CTBP2: variants seen among roughly 807,000 people sequenced by gnomAD.
The protein encoded by CTBP2 is C-terminal binding protein 2.
In CTBP2, 30 loss-of-function variants were observed where a neutral mutation model predicts 80.3. That is an observed-to-expected ratio of 0.37 (90% CI 0.28 to 0.51). The LOEUF (loss-of-function observed/expected upper bound fraction) is 0.51, where lower values mean the gene tolerates loss of function less well. Ranked by LOEUF, CTBP2 falls within the 20% of genes least tolerant of loss-of-function variation. The pLI is 0.93. For missense variants in CTBP2, 1,212 were observed against 1,375.3 expected, an observed-to-expected ratio of 0.88 and a Z score of 1.88; for synonymous variants, 594 against 587.4, an observed-to-expected ratio of 1.01 and a Z score of -0.16.
At chr10:125,123,861 C>A (rs1393428484) in intron 1 of CTBP2, among the ~76,000 whole-genome samples, 1 of 152,206 alleles carries the variant, frequency 6.6e-6, no homozygotes, top group East Asian at 1.9e-4. Context: ...CCTCCCAGGG[C>A]CACACCCAAC....
intron 3 of CTBP2, among the ~76,000 whole-genome samples, chr10:125,036,618 T>C (rs752312189): frequency 2.0e-5 from 3 of 151,928 alleles, no homozygotes; most frequent in Non-Finnish European, 4.4e-5. Context: ...CAGAACATTC[T>C]ACAAGTAGTT....
chr10:125,012,092 C>T (rs1412204806), intron 1 of CTBP2, among the ~76,000 whole-genome samples: 2 of 152,192 alleles, frequency 1.3e-5, no homozygotes, highest in African/African-American at 2.4e-5. Context: ...CCAAAAACGG[C>T]GCCTTAGAAG....
upstream of CTBP2, chr10:125,161,201 C>G (rs1368930439): frequency 6.6e-6 from 1 of 152,046 alleles, no homozygotes; most frequent in African/African-American, 2.4e-5. Flanking sequence ...CGCGAAAGTG[C>G]ACACAAGCGC....
intron 1 of CTBP2, among the ~76,000 whole-genome samples, chr10:125,139,929 G>A (rs931761292): frequency 5.3e-5 from 8 of 152,040 alleles, no homozygotes; most frequent in South Asian, 2.1e-4. Flanking sequence ...CTCACCATCC[G>A]AAAGCAGACC....
At chr10:125,018,083 T>C (rs1956673936) in intron 1 of CTBP2, among the ~76,000 whole-genome samples, 1 of 152,230 alleles carries the variant, frequency 6.6e-6, no homozygotes, top group African/African-American at 2.4e-5. Flanking sequence ...TCCCTTGCTG[T>C]GCTAATGCAC....
At chr10:125,034,125 G>A (rs1015111357) in intron 3 of CTBP2, among the ~76,000 whole-genome samples, 7 of 152,172 alleles carry the variant, frequency 4.6e-5, no homozygotes, top group African/African-American at 1.2e-4. Flanking sequence ...GCAAAGAGAC[G>A]CTTATGTTTG....
chr10:125,112,843 C>T (rs943498229), intron 1 of CTBP2, among the ~76,000 whole-genome samples: 5 of 152,318 alleles, frequency 3.3e-5, no homozygotes, highest in African/African-American at 1.2e-4. Flanking sequence ...GATCCAATCC[C>T]GTGACAGGCA....
At chr10:125,115,311 A>G (rs1206895851) in intron 1 of CTBP2, among the ~76,000 whole-genome samples, 1 of 152,196 alleles carries the variant, frequency 6.6e-6, no homozygotes, top group South Asian at 2.1e-4. Context: ...TCCAGGAAGC[A>G]CCGTTCACGT....
chr10:125,005,715 T>G (rs1955153333), intron 1 of CTBP2: 1 of 1,612,914 alleles, frequency 6.2e-7, no homozygotes, highest in Non-Finnish European at 8.5e-7. Flanking sequence ...AACTGCCAAA[T>G]TCCACAAGAT....
At chr10:125,038,505 T>C (rs1236681790) in intron 3 of CTBP2, among the ~76,000 whole-genome samples, 1 of 152,130 alleles carries the variant, frequency 6.6e-6, no homozygotes, top group Non-Finnish European at 1.5e-5. Context: ...TTAATTATGT[T>C]TATTTTTCCT....
intron 2 of CTBP2, 40 bp downstream of exon 4, chr10:125,003,298 C>G: frequency 6.3e-7 from 1 of 1,597,768 alleles, no homozygotes; most frequent in Non-Finnish European, 8.5e-7. Context: ...GGAAACTGCC[C>G]AAGGTCAGTG....
At chr10:125,025,322 C>T (rs1957426587) in intron 1 of CTBP2, among the ~76,000 whole-genome samples, 1 of 152,182 alleles carries the variant, frequency 6.6e-6, no homozygotes, top group Non-Finnish European at 1.5e-5. Flanking sequence ...CCACCTAGGA[C>T]TTCATCCACA....
rs1156269825 is a variant in CTBP2 at position 125,127,001 on chromosome 10, T to C, written c.-205-15908A>G. ...CATCAACTGTGAACAAGCCAGGTACTATTAAGTAAGGAAGGCTGGAAATTA... is the reference window on the plus strand; with the variant it reads ...CATCAACTGTGAACAAGCCAGGTACCATTAAGTAAGGAAGGCTGGAAATTA... On this transcript the variant is annotated intron_variant, in intron 1 of 10. Coordinates refer to the CTBP2 transcript ENST00000337195. Among the ~76,000 whole-genome samples, 5 of 152,232 alleles carry C rather than the reference T, an allele frequency of 3.3e-5. No homozygotes were observed. In the South Asian group the frequency reaches 1.0e-3, roughly 32 times the overall value.
chr10:125,086,610 A>AT (rs1383809807), intron 2 of CTBP2, among the ~76,000 whole-genome samples: 6 of 90,290 alleles, frequency 6.6e-5, no homozygotes. Flanking sequence ...GCAAAATTTT[A>AT]TTTAAAAAAA....
chr10:125,004,359 G>C (rs1219960036), intron 1 of CTBP2, among the ~76,000 whole-genome samples: 1 of 152,240 alleles, frequency 6.6e-6, no homozygotes, highest in African/African-American at 2.4e-5. Flanking sequence ...AGGATGCAGC[G>C]AGAGCCTCAG....
In CTBP2 at chr10:125,003,553, G is replaced by A. The variant is rs970558431; in HGVS notation, c.1679-61C>T. The A allele has an allele frequency of 3.3e-5, 45 of 1,354,686 alleles. No homozygotes were observed. The Admixed American group carries it at 4.7e-4, about 14-fold the overall frequency. The allele number at this position is 1,354,686 out of a possible 1,614,324, so 83.9% of individuals were successfully genotyped here. ...TGGCTGGGGCCACAGGGTGCGTGGA[G>A]GGGCAGCTCCCCACTCATCACTCAG... is the stretch of plus-strand genomic sequence containing the variant. On this transcript the variant is annotated intron_variant, in intron 1 of 8. Transcript: ENST00000309035.
chr10:125,023,309 G>A (rs760918958), intron 1 of CTBP2, among the ~76,000 whole-genome samples: 42 of 152,368 alleles, frequency 2.8e-4, no homozygotes, highest in Middle Eastern at 3.4e-3. Context: ...TTTGCCCCCA[G>A]GGTGTGTCCT....
chr10:125,029,836 G>A (rs370477019), upstream of CTBP2, among the ~76,000 whole-genome samples: 107 of 152,326 alleles, frequency 7.0e-4, no homozygotes, highest in African/African-American at 2.6e-3. Context: ...ATAGAAGAAT[G>A]TTTACCCGGT....
Position 125,059,804 on chromosome 10 carries a change from G to A in CTBP2, c.-101-20649C>T, listed in dbSNP as rs1052028781. Among the ~76,000 whole-genome samples, 3 of 152,110 alleles carry A rather than the reference G, an allele frequency of 2.0e-5. No homozygotes were observed. In the South Asian group the frequency reaches 6.2e-4, roughly 32 times the overall value. ...CCCACCCCCACCAGCTCCAGGAGGC[G>A]GAATCTGTCAGCTTGTCAGCGTTTG... is the stretch of plus-strand genomic sequence containing the variant. On this transcript the variant is annotated intron_variant, in intron 2 of 10. Coordinates refer to the CTBP2 transcript ENST00000337195.
Sources: gnomAD v4.1 joint callset for allele counts (sites outside exome capture counted in the v4.1 genomes callset) on GRCh38, gnomAD v4.1.1 for gene constraint, MANE v1.5 for transcripts, NCBI Gene and HGNC (gene_info 2026-07-23, HGNC 2026-07-21) for gene names.